SDK1: variants seen among roughly 807,000 people sequenced by gnomAD.
The protein encoded by SDK1 is sidekick cell adhesion molecule 1, also known as protein sidekick-1.
SDK1 carries 157 observed loss-of-function variants against 245.5 expected under a neutral mutation model. The ratio of observed to expected loss-of-function variants is 0.64; its 90% CI spans 0.56 to 0.73. The LOEUF is 0.73. Ranked by LOEUF, SDK1 falls within the 30% of genes least tolerant of loss-of-function variation. SDK1 has a pLI of 0.00. For missense variants in SDK1, 3,583 were observed against 3,002.3 expected, an observed-to-expected ratio of 1.19 and a Z score of -4.52; for synonymous variants, 1,647 against 1,278.5, an observed-to-expected ratio of 1.29 and a Z score of -6.15.
intron 5 of SDK1, among the ~76,000 whole-genome samples, chr7:3,944,923 CAG>C (rs1780515215): frequency 2.0e-5 from 3 of 152,154 alleles, no homozygotes; most frequent in African/African-American, 4.8e-5. Context: ...CTGGTTATGA[CAG>C]AGAGCTATTA....
At chr7:4,199,491 T>G (rs7803332) in intron 35 of SDK1, among the ~76,000 whole-genome samples, 55,515 of 152,106 alleles carry the variant, frequency 0.36, 10,708 homozygotes, top group Middle Eastern at 0.5. Flanking sequence ...AGTATTGAAG[T>G]TTCAGAGCTA....
At chr7:3,814,306 G>GA (rs1439459285) in intron 4 of SDK1, among the ~76,000 whole-genome samples, 2 of 148,612 alleles carry the variant, frequency 1.3e-5, no homozygotes, top group Admixed American at 1.3e-4. Flanking sequence ...GTAAGGAAGG[G>GA]ATCCAGTTTC....
intron 1 of SDK1, among the ~76,000 whole-genome samples, chr7:3,432,775 T>A (rs1339568322): frequency 6.6e-6 from 1 of 152,178 alleles, no homozygotes; most frequent in Non-Finnish European, 1.5e-5. Context: ...AAGAGTCAGT[T>A]TCCCTCCACA....
At chr7:4,144,368 T>C (rs1014265582) in intron 28 of SDK1, among the ~76,000 whole-genome samples, 11 of 151,432 alleles carry the variant, frequency 7.3e-5, no homozygotes, top group Non-Finnish European at 4.4e-5. Context: ...GGGGCCTAAG[T>C]TCAGGGTCCT....
chr7:3,918,737 A>C (rs1364186286), intron 5 of SDK1, among the ~76,000 whole-genome samples: 1 of 152,190 alleles, frequency 6.6e-6, no homozygotes, highest in Admixed American at 6.5e-5. Context: ...TGAAGCACTC[A>C]GGAGACACCT....
chr7:3,495,528 G>C (rs950629961), intron 1 of SDK1, among the ~76,000 whole-genome samples: 3 of 152,162 alleles, frequency 2.0e-5, no homozygotes, highest in Admixed American at 1.3e-4. Context: ...CAAAGTGCTG[G>C]GATTACAGGC....
chr7:3,870,212 C>T (rs1224935753), intron 5 of SDK1, among the ~76,000 whole-genome samples: 1 of 151,984 alleles, frequency 6.6e-6, no homozygotes, highest in Non-Finnish European at 1.5e-5. Context: ...CCATAGTTTC[C>T]ATGGATTTTT....
At chr7:3,574,246 A>T (rs1023348300) in intron 1 of SDK1, among the ~76,000 whole-genome samples, 7 of 151,738 alleles carry the variant, frequency 4.6e-5, no homozygotes, top group African/African-American at 1.7e-4. Flanking sequence ...CCTCCCGAGC[A>T]GCTGGGATTG....
At chr7:3,436,188 G>C (rs7802250) in intron 1 of SDK1, among the ~76,000 whole-genome samples, 58,306 of 151,912 alleles carry the variant, frequency 0.38, 12,463 homozygotes, top group South Asian at 0.49. Flanking sequence ...GAAGTAAGCT[G>C]ACATTTGATG....
chr7:3,691,192 A>G (rs199991946), intron 4 of SDK1, among the ~76,000 whole-genome samples: 2 of 5,196 alleles, frequency 3.8e-4, no homozygotes, highest in African/African-American at 1.6e-3. Context: ...ACGAAAAGCA[A>G]TAGAGAATTC....
intron 4 of SDK1, among the ~76,000 whole-genome samples, chr7:3,775,877 A>G (rs1780543599): frequency 2.6e-5 from 4 of 152,184 alleles, no homozygotes; most frequent in African/African-American, 9.7e-5. Context: ...CGCCCGGCCT[A>G]GTACCTCTTT....
At chr7:4,155,862 T>C (rs931841455) in intron 30 of SDK1, among the ~76,000 whole-genome samples, 3 of 152,132 alleles carry the variant, frequency 2.0e-5, no homozygotes, top group African/African-American at 4.8e-5. Context: ...ATGTTGAGTC[T>C]TGTAAAGACA....
At chr7:3,835,107 C>T (rs985361029) in intron 5 of SDK1, among the ~76,000 whole-genome samples, 1 of 152,140 alleles carries the variant, frequency 6.6e-6, no homozygotes, top group Non-Finnish European at 1.5e-5. Flanking sequence ...CAAATGTTAT[C>T]TCTAGGCCTG....
intron 5 of SDK1, among the ~76,000 whole-genome samples, chr7:3,869,228 C>T (rs993934900): frequency 6.6e-6 from 1 of 150,542 alleles, no homozygotes; most frequent in Non-Finnish European, 1.5e-5. Context: ...CAATCTCGGC[C>T]CACTGCAATC....
At chr7:3,434,512 G>T (rs1779962366) in intron 1 of SDK1, among the ~76,000 whole-genome samples, 1 of 152,286 alleles carries the variant, frequency 6.6e-6, no homozygotes, top group East Asian at 1.9e-4. Context: ...TAAGGATCTT[G>T]CATGTTTTTC....
At chr7:3,773,353 G>GT (rs199772435) in intron 4 of SDK1, among the ~76,000 whole-genome samples, 1,875 of 150,382 alleles carry the variant, frequency 0.012, 40 homozygotes, top group African/African-American at 0.043. Flanking sequence ...TATCACTTCA[G>GT]TTTTTTTTTC....
intron 1 of SDK1, among the ~76,000 whole-genome samples, chr7:3,458,144 T>C (rs1315604914): frequency 1.4e-5 from 2 of 142,144 alleles, no homozygotes; most frequent in East Asian, 1.9e-4. Context: ...AAATTTTGCA[T>C]TGATATTCGT....
chr7:3,708,313 C>T (rs1043885980), intron 4 of SDK1, among the ~76,000 whole-genome samples: 2 of 147,838 alleles, frequency 1.4e-5, no homozygotes, highest in East Asian at 4.0e-4. Flanking sequence ...TCCATACCTC[C>T]AAGGTCCAGT....
chr7:3,337,895 T>C (rs1780244670), intron 1 of SDK1: 1 of 152,220 alleles, frequency 6.6e-6, no homozygotes, highest in Non-Finnish European at 1.5e-5. Flanking sequence ...TAGGTAAAAG[T>C]TCTTTAAATG....
Sources: gnomAD v4.1 joint callset for allele counts (sites outside exome capture counted in the v4.1 genomes callset) on GRCh38, gnomAD v4.1.1 for gene constraint, MANE v1.5 for transcripts, NCBI Gene and HGNC (gene_info 2026-07-23, HGNC 2026-07-21) for gene names.